Variants in USP10 observed in about 807,000 individuals in gnomAD.
The protein encoded by USP10 is ubiquitin carboxyl-terminal hydrolase 10.
In USP10, 22 loss-of-function variants were observed where a neutral mutation model predicts 84.5. The observed-to-expected ratio is 0.26, with a 90% CI of 0.19 to 0.37. The LOEUF is 0.37. USP10 is among the 10% of genes least tolerant of loss of function. USP10 has a pLI of 1.00. For synonymous variants in USP10, 454 were observed against 387.6 expected (o/e 1.17, Z -2.01); for missense variants, 1,019 against 998.9 (o/e 1.02, Z -0.27).
chr16:84,751,844 A>G (rs1181264860), intron 4 of USP10, among the ~76,000 whole-genome samples: 9 of 152,218 alleles, frequency 5.9e-5, no homozygotes, highest in Admixed American at 3.3e-4. Context: ...TTCAATGTTA[A>G]TATGACCCCT....
chr16:84,743,951 A>G (rs1910914777), intron 3 of USP10, among the ~76,000 whole-genome samples: 1 of 152,188 alleles, frequency 6.6e-6, no homozygotes, highest in South Asian at 2.1e-4. Flanking sequence ...TGTCAGGGCC[A>G]TTTTTCAGAC....
chr16:84,743,832 A>G (rs890473199), intron 3 of USP10, among the ~76,000 whole-genome samples: 10 of 152,240 alleles, frequency 6.6e-5, no homozygotes, highest in African/African-American at 1.9e-4. Context: ...CCCAAGAGAT[A>G]TTTAAAAGTT....
At chr16:84,763,236 A>T in intron 9 of USP10, 148 bp downstream of exon 9, 1 of 488,116 alleles carries the variant, frequency 2.0e-6, no homozygotes, top group Non-Finnish European at 3.7e-6. Flanking sequence ...ACCATCGAGA[A>T]GGTTATATTT....
At chr16:84,758,639 G>A in intron 4 of USP10, 77 bp from the exon 5 acceptor site, 1 of 1,031,376 alleles carries the variant, frequency 9.7e-7, no homozygotes. Flanking sequence ...CTGTCCCAGA[G>A]TAGAGCATGT....
At chr16:84,705,659 A>T (rs1252060422) in intron 1 of USP10, among the ~76,000 whole-genome samples, 1 of 142,638 alleles carries the variant, frequency 7.0e-6, no homozygotes, top group Non-Finnish European at 1.5e-5. Flanking sequence ...TTTTATGAAG[A>T]TGTGCTCCTT....
chr16:84,716,796 A>G (rs1410723143), intron 1 of USP10, among the ~76,000 whole-genome samples: 3 of 152,124 alleles, frequency 2.0e-5, no homozygotes, highest in African/African-American at 4.8e-5. Flanking sequence ...CTTTATATAC[A>G]CCTTACAATT....
intron 1 of USP10, among the ~76,000 whole-genome samples, chr16:84,728,660 A>G (rs1597316984): frequency 1.3e-5 from 2 of 152,004 alleles, no homozygotes; most frequent in Non-Finnish European, 2.9e-5. Context: ...ATTATAATTT[A>G]TGTCCGTCCA....
At position 84,764,175 on chromosome 16, in the gene USP10, C is replaced by T; in HGVS notation, c.1744C>T (p.Gln582Ter). ...QGEGSEDEWE[Q>*]VGPRNKTSVT... is the part of the protein sequence containing the mutation. ...TGAAGGAAGCGAGGATGAATGGGAACAAGTGGGCCCCCGGAACAAGACTTC... is the reference window on the plus strand; with the variant it reads ...TGAAGGAAGCGAGGATGAATGGGAATAAGTGGGCCCCCGGAACAAGACTTC... Residue 582 changes from glutamine (Q) to a stop codon, truncating the protein, a stop_gained, in exon 10 of 14, where the codon CAA (glutamine) becomes TAA (stop). Transcript: ENST00000219473. LOFTEE classifies it high-confidence loss of function. 1 of 1,613,984 alleles carries T rather than the reference C, an allele frequency of 6.2e-7. No homozygotes were observed.
chr16:84,705,602 C>T (rs866214315), intron 1 of USP10, among the ~76,000 whole-genome samples: 2 of 151,694 alleles, frequency 1.3e-5, no homozygotes, highest in Admixed American at 1.3e-4. Context: ...CTCTTTCTTT[C>T]TTCCTGATCT....
At chr16:84,765,317 C>T (rs1158916618) in intron 10 of USP10, among the ~76,000 whole-genome samples, 1 of 151,526 alleles carries the variant, frequency 6.6e-6, no homozygotes, top group African/African-American at 2.4e-5. Context: ...ACAAAAGTCC[C>T]AAATACAGTG....
intron 1 of USP10, among the ~76,000 whole-genome samples, chr16:84,728,409 G>T (rs976805796): frequency 6.6e-6 from 1 of 150,904 alleles, no homozygotes. Context: ...GTGCGATCTC[G>T]GCTCACTGCA....
At chr16:84,772,402 G>C in intron 11 of USP10, 139 bp from the exon 12 acceptor site, 1 of 1,161,982 alleles carries the variant, frequency 8.6e-7, no homozygotes, top group East Asian at 2.4e-5. Context: ...CTTCTGTGGG[G>C]CAGGAAAAGC....
intron 1 of USP10, among the ~76,000 whole-genome samples, chr16:84,711,985 A>G (rs1003825022): frequency 2.0e-5 from 3 of 151,918 alleles, no homozygotes; most frequent in African/African-American, 7.3e-5. Context: ...CTCCCAATGT[A>G]CTGGGGTTAC....
chr16:84,715,297 A>T (rs1174265123), intron 1 of USP10, among the ~76,000 whole-genome samples: 1 of 152,202 alleles, frequency 6.6e-6, no homozygotes, highest in African/African-American at 2.4e-5. Flanking sequence ...ATTGCTGTAG[A>T]TATCCAGGAA....
chr16:84,706,466 CTATA>C (rs996902109), intron 1 of USP10, among the ~76,000 whole-genome samples: 2 of 148,642 alleles, frequency 1.3e-5, no homozygotes, highest in African/African-American at 4.9e-5. Flanking sequence ...GCTGCAAAGA[CTATA>C]TATATATTTA....
intron 1 of USP10, among the ~76,000 whole-genome samples, chr16:84,719,358 A>G (rs576785758): frequency 6.6e-6 from 1 of 152,236 alleles, no homozygotes; most frequent in Non-Finnish European, 1.5e-5. Context: ...TGGAGCTTTT[A>G]CTTGGATCAC....
chr16:84,748,340 G>T (rs2150828778), intron 4 of USP10, among the ~76,000 whole-genome samples: 1 of 152,002 alleles, frequency 6.6e-6, no homozygotes, highest in East Asian at 1.9e-4. Context: ...GTCTCACTCT[G>T]TCGCCCAGGC....
chr16:84,769,407 G>C (rs1002872693), intron 11 of USP10, among the ~76,000 whole-genome samples: 1 of 152,220 alleles, frequency 6.6e-6, no homozygotes, highest in Non-Finnish European at 1.5e-5. Flanking sequence ...TTGCAGACTT[G>C]CATCTCATGG....
chr16:84,738,300 A>T (rs947786507), intron 2 of USP10, among the ~76,000 whole-genome samples: 1 of 152,216 alleles, frequency 6.6e-6, no homozygotes, highest in African/African-American at 2.4e-5. Context: ...TGTTACAATA[A>T]ATTTTGTGTA....
Sources: gnomAD v4.1 joint callset for allele counts (sites outside exome capture counted in the v4.1 genomes callset) on GRCh38, gnomAD v4.1.1 for gene constraint, MANE v1.5 for transcripts, NCBI Gene and HGNC (gene_info 2026-07-23, HGNC 2026-07-21) for gene names.